Variants in DCAKD observed in about 807,000 individuals in gnomAD.
DCAKD encodes the protein dephospho-CoA kinase domain containing.
A neutral mutation model predicts 18.7 loss-of-function variants in DCAKD; 15 were observed. The observed-to-expected ratio is 0.80, with a 90% CI of 0.54 to 1.24. DCAKD has a LOEUF of 1.24. DCAKD is among the 50% of genes most tolerant of loss of function. The pLI, the probability that DCAKD is intolerant of heterozygous loss-of-function variation, is 0.00. For missense variants in DCAKD, 301 were observed against 322.0 expected, an observed-to-expected ratio of 0.93 and a Z score of 0.50; for synonymous variants, 130 against 133.0, an observed-to-expected ratio of 0.98 and a Z score of 0.16.
At chr17:45,047,063 A>G (rs1331995232) in intron 1 of DCAKD, among the ~76,000 whole-genome samples, 1 of 151,916 alleles carries the variant, frequency 6.6e-6, no homozygotes, top group Non-Finnish European at 1.5e-5. Flanking sequence ...CTGACAGATT[A>G]TTAATAATTC....
chr17:45,048,552 G>A (rs978880494), intron 1 of DCAKD, among the ~76,000 whole-genome samples: 31 of 152,004 alleles, frequency 2.0e-4, no homozygotes, highest in Non-Finnish European at 3.8e-4. Flanking sequence ...CAGAAGAATC[G>A]CTTGAAACCG....
chr17:45,027,313 C>T (rs1176723800), intron 4 of DCAKD, among the ~76,000 whole-genome samples: 1 of 152,232 alleles, frequency 6.6e-6, no homozygotes, highest in Non-Finnish European at 1.5e-5. Context: ...GCACTCTAGC[C>T]TGAGCCCTGT....
rs1483691037 is a variant in DCAKD at position 45,023,658 on chromosome 17, C to T, written c.*775G>A. ...AGAAATAAAAGAAAATAAAAGGTATCCCAGGCCAGGAGCAGCAGGTTGAAG... is the reference window on the plus strand; with the variant it reads ...AGAAATAAAAGAAAATAAAAGGTATTCCAGGCCAGGAGCAGCAGGTTGAAG... On this transcript the variant is annotated 3_prime_UTR_variant, in exon 5 of 5. Transcript: ENST00000651974. The T allele has an allele frequency of 1.3e-5, 2 of 148,966 alleles. No homozygotes were observed. The highest frequency in any genetic ancestry group is 3.0e-5 in the Non-Finnish European group (2 of 67,508). 9.2% of individuals were successfully genotyped at this position (148,966 alleles called of 1,614,324 possible).
At chr17:45,039,085 T>C (rs1308942950) in intron 1 of DCAKD, among the ~76,000 whole-genome samples, 4 of 152,206 alleles carry the variant, frequency 2.6e-5, no homozygotes, top group South Asian at 2.1e-4. Flanking sequence ...CTGGGCCTGC[T>C]GTATGAGTGC....
At position 45,034,265 on chromosome 17, in the gene DCAKD, G is replaced by A. The variant is rs200330941; in HGVS notation, c.238C>T (p.Arg80Trp). Residue 80 changes from arginine (R) to tryptophan (W), a missense_variant, in exon 3 of 5, where the codon CGG (arginine) becomes TGG (tryptophan). Coordinates refer to ENST00000651974, the MANE Select transcript of DCAKD (RefSeq NM_001288655.2). ...TGGGTGATGGCGTTGAGCAGCTGCC[G>A]CCGGTCAGGCTGGTTAAAGATCAGG... The part of the protein sequence containing the change: ...GDLIFNQPDR[R>W]QLLNAITHPE... 88 of 1,614,038 alleles carry A rather than the reference G, an allele frequency of 5.5e-5. No individual in the cohort carries two copies. Among genetic ancestry groups the A allele is most frequent in the Middle Eastern group, 1.6e-4 (1 of 6,084 alleles).
intron 1 of DCAKD, among the ~76,000 whole-genome samples, chr17:45,045,894 T>G (rs372184706): frequency 6.6e-6 from 1 of 151,874 alleles, no homozygotes; most frequent in Non-Finnish European, 1.5e-5. Flanking sequence ...GGTGCGGTTT[T>G]GGCTTACTGC....
At chr17:45,034,159 G>A (rs755038775) in intron 3 of DCAKD, 28 bp downstream of exon 3, 37 of 1,605,604 alleles carry the variant, frequency 2.3e-5, no homozygotes, top group Middle Eastern at 1.7e-4. Flanking sequence ...AGGAGGCCCC[G>A]CCCCCCGCCC....
At chr17:45,046,938 C>T (rs536881367) in intron 1 of DCAKD, among the ~76,000 whole-genome samples, 1 of 152,230 alleles carries the variant, frequency 6.6e-6, no homozygotes, top group Admixed American at 6.5e-5. Context: ...GGTCAGTATT[C>T]ATGCTAAGAA....
chr17:45,035,949 G>A (rs928330758), intron 1 of DCAKD, among the ~76,000 whole-genome samples: 31 of 152,242 alleles, frequency 2.0e-4, no homozygotes, highest in Non-Finnish European at 3.2e-4. Context: ...GCAGTGGCTC[G>A]GCAGCCACTA....
intron 1 of DCAKD, among the ~76,000 whole-genome samples, chr17:45,037,593 G>T (rs943607249): frequency 2.0e-5 from 3 of 151,800 alleles, no homozygotes; most frequent in African/African-American, 7.3e-5. Flanking sequence ...CAAGTAGTTG[G>T]GATTACATGC....
intron 1 of DCAKD, among the ~76,000 whole-genome samples, chr17:45,039,595 G>A (rs1382330694): frequency 6.6e-6 from 1 of 152,198 alleles, no homozygotes; most frequent in Admixed American, 6.5e-5. Context: ...TGTGACTGCA[G>A]GAAGTCTTCT....
intron 4 of DCAKD, 103 bp from the exon 5 acceptor site, chr17:45,024,827 G>C: frequency 7.3e-7 from 1 of 1,376,850 alleles, no homozygotes; most frequent in African/African-American, 1.4e-5. Flanking sequence ...GAGAGCATGG[G>C]GACTGGATCT....
chr17:45,056,418 G>C (rs951692074), upstream of DCAKD, among the ~76,000 whole-genome samples: 4 of 152,060 alleles, frequency 2.6e-5, no homozygotes, highest in African/African-American at 9.7e-5. Flanking sequence ...TTAAGTCAGA[G>C]GCAGAGCCAG....
At chr17:45,049,783 G>A (rs540526388) in intron 1 of DCAKD, among the ~76,000 whole-genome samples, 13 of 137,342 alleles carry the variant, frequency 9.5e-5, no homozygotes, top group African/African-American at 3.0e-4. Flanking sequence ...GCAGTGGCAC[G>A]ATCTCAGCTC....
upstream of DCAKD, among the ~76,000 whole-genome samples, chr17:45,053,189 A>C (rs1253701705): frequency 2.9e-5 from 4 of 138,782 alleles, no homozygotes; most frequent in Admixed American, 2.3e-4. Flanking sequence ...AAAAAAAAAA[A>C]AAAAAAACTA....
upstream of DCAKD, among the ~76,000 whole-genome samples, chr17:45,053,167 G>GT (rs200920113): frequency 0.069 from 2,145 of 31,248 alleles, 231 homozygotes; most frequent in African/African-American, 0.25. Flanking sequence ...TCTGTCTCCA[G>GT]TTAAAAAAAA....
chr17:45,031,973 G>A (rs1309694992), intron 3 of DCAKD: 1 of 985,306 alleles, frequency 1.0e-6, no homozygotes, highest in Non-Finnish European at 1.2e-6. Context: ...AGGGCTCTCT[G>A]GCTTTTATTT....
chr17:45,034,638 G>A lies in DCAKD; in HGVS notation c.112+136C>T. 5 of 1,018,548 alleles carry A rather than the reference G, an allele frequency of 4.9e-6. No individual in the cohort carries two copies. In the East Asian group the frequency reaches 1.0e-4, roughly 21 times the overall value. 63.1% of individuals were successfully genotyped at this position (1,018,548 alleles called of 1,614,324 possible). A position where few individuals can be genotyped will look rare whatever the true frequency, so the allele number is the denominator to read the frequency against. Reference sequence around the variant, plus strand: ...GAAGAGCAGAGAAGGCAAGCACGGGGCAGAGACAGAAGTCAGACCAGGGTC... The same window carrying A: ...GAAGAGCAGAGAAGGCAAGCACGGGACAGAGACAGAAGTCAGACCAGGGTC... On this transcript the variant is annotated intron_variant, in intron 2 of 4. Transcript: ENST00000651974.
chr17:45,036,316 A>G (rs1041387000), intron 1 of DCAKD, among the ~76,000 whole-genome samples: 2 of 152,214 alleles, frequency 1.3e-5, no homozygotes, highest in Admixed American at 1.3e-4. Context: ...GGAGATCGAG[A>G]CCATCCTGGC....
Sources: allele counts gnomAD v4.1 joint callset (sites outside exome capture counted in the v4.1 genomes callset), GRCh38; gene constraint gnomAD v4.1.1; transcripts MANE v1.5; gene names NCBI Gene and HGNC (gene_info 2026-07-23, HGNC 2026-07-21).